The following TTI1 variants were observed in gnomAD, a reference collection of about 807,000 sequenced individuals.
TTI1 encodes the protein TELO2-interacting protein 1 homolog.
Under a neutral mutation model 85.4 loss-of-function variants are expected in TTI1, and 52 were observed. The ratio of observed to expected loss-of-function variants is 0.61; its 90% confidence interval spans 0.49 to 0.77. The LOEUF (loss-of-function observed/expected upper bound fraction) is 0.77, where lower values mean the gene tolerates loss of function less well. TTI1 is among the 30% of genes least tolerant of loss of function. TTI1 has a pLI of 0.00. For synonymous variants in TTI1, 512 were observed against 503.9 expected (o/e 1.02, Z -0.22); for missense variants, 1,173 against 1,296.0 (o/e 0.91, Z 1.46).
At chr20:38,005,006 A>T (rs978650502) in intron 3 of TTI1, among the ~76,000 whole-genome samples, 1 of 152,174 alleles carries the variant, frequency 6.6e-6, no homozygotes, top group African/African-American at 2.4e-5. Context: ...TCAATTCTGC[A>T]TAAATCATTA....
Position 37,987,389 on chromosome 20 carries a change from A to T in TTI1, c.3087-3750T>A, listed in dbSNP as rs1444389005. The stretch of plus-strand genomic sequence containing the variant: ...GTTCCCAATACATTTTGCGATGCGC[A>T]GGGATGGCTGTTGAACATACCAAAT... On this transcript the variant is annotated intron_variant, in intron 7 of 7. Coordinates refer to ENST00000373447, the MANE Select transcript of TTI1 (RefSeq NM_001303457.2). 3 of 456,540 alleles carry T rather than the reference A, an allele frequency of 6.6e-6. No homozygotes were observed. The East Asian group carries it at 2.1e-4, about 32-fold the overall frequency. 28.3% of individuals were successfully genotyped at this position (456,540 alleles called of 1,614,324 possible).
intron 1 of TTI1, among the ~76,000 whole-genome samples, chr20:38,023,428 A>C (rs2122639566): frequency 6.6e-6 from 1 of 152,322 alleles, no homozygotes; most frequent in Non-Finnish European, 1.5e-5. Flanking sequence ...AAAACTTTGC[A>C]AGGTCAGTCC....
intron 7 of TTI1, 21 bp downstream of exon 7, chr20:37,996,354 C>A (rs2273349): frequency 0.18 from 286,200 of 1,612,378 alleles, 26,514 homozygotes; most frequent in South Asian, 0.26. Flanking sequence ...TAAAGGGATG[C>A]GGGTGATCAG....
chr20:37,995,528 C>T (rs940590729), intron 7 of TTI1, among the ~76,000 whole-genome samples: 9 of 152,236 alleles, frequency 5.9e-5, no homozygotes, highest in Non-Finnish European at 8.8e-5. Context: ...GGGCTCAGAG[C>T]GGCACAGAGT....
intron 1 of TTI1, among the ~76,000 whole-genome samples, chr20:38,025,553 G>C (rs531183123): frequency 1.3e-5 from 2 of 150,598 alleles, no homozygotes; most frequent in Non-Finnish European, 2.9e-5. Flanking sequence ...TGGGCAACAA[G>C]AGCGACACTC....
chr20:38,006,653 T>C (rs1241924905), intron 2 of TTI1, among the ~76,000 whole-genome samples: 3 of 152,234 alleles, frequency 2.0e-5, no homozygotes, highest in Admixed American at 6.5e-5. Flanking sequence ...TCACATCTGG[T>C]TAACTCCAAA....
At position 38,013,824 on chromosome 20, in the gene TTI1, C is replaced by T. The variant is rs1210614460; in HGVS notation, c.-8G>A. On this transcript the variant is annotated 5_prime_UTR_variant, in exon 2 of 8. Transcript: ENST00000373447. Reference sequence around the variant, plus strand: ...AGTATCAAAAACTGCCATTGTGCAGCAGCCTTCCCCTCATTGAGGAAACAT... The same window carrying T: ...AGTATCAAAAACTGCCATTGTGCAGTAGCCTTCCCCTCATTGAGGAAACAT... 6.2e-7 allele frequency: 1 copy of T among 1,600,116 alleles called. No individual in the cohort carries two copies.
chr20:37,996,260 A>T, intron 7 of TTI1, 115 bp downstream of exon 7: 1 of 1,078,286 alleles, frequency 9.3e-7, no homozygotes, highest in Non-Finnish European at 1.4e-6. Flanking sequence ...GAATTATCTT[A>T]ACCTGGCAGG....
intron 1 of TTI1, among the ~76,000 whole-genome samples, chr20:38,027,281 C>A (rs2073848221): frequency 6.6e-6 from 1 of 152,134 alleles, no homozygotes; most frequent in Admixed American, 6.5e-5. Context: ...TATATCAACT[C>A]TAGATTATTA....
At chr20:37,994,656 G>A (rs188657292) in intron 7 of TTI1, among the ~76,000 whole-genome samples, 1 of 152,242 alleles carries the variant, frequency 6.6e-6, no homozygotes, top group African/African-American at 2.4e-5. Flanking sequence ...AGTGACATGT[G>A]TGAAGCAATC....
chr20:38,024,311 C>G (rs1465360465), intron 1 of TTI1, among the ~76,000 whole-genome samples: 1 of 152,074 alleles, frequency 6.6e-6, no homozygotes, highest in African/African-American at 2.4e-5. Flanking sequence ...AAATAGAAAA[C>G]TTAAGCTTCT....
chr20:37,983,756 C>T (rs914642575), intron 7 of TTI1, 117 bp from the exon 8 acceptor site: 3 of 1,010,248 alleles, frequency 3.0e-6, no homozygotes, highest in African/African-American at 1.7e-5. Flanking sequence ...ATAACAATAT[C>T]AAGTCACTTC....
chr20:38,000,854 C>G (rs2073415701), intron 4 of TTI1, among the ~76,000 whole-genome samples: 1 of 152,164 alleles, frequency 6.6e-6, no homozygotes, highest in Non-Finnish European at 1.5e-5. Flanking sequence ...CTCCTTGCCC[C>G]TTTGCAGGGC....
At chr20:38,019,938 C>A (rs1015170942) in intron 1 of TTI1, among the ~76,000 whole-genome samples, 1 of 152,122 alleles carries the variant, frequency 6.6e-6, no homozygotes, top group Non-Finnish European at 1.5e-5. Context: ...CAAAAATTGT[C>A]CCTGGATTTG....
intron 7 of TTI1, among the ~76,000 whole-genome samples, chr20:37,994,213 A>C (rs888366170): frequency 1.5e-4 from 23 of 152,150 alleles, no homozygotes; most frequent in Non-Finnish European, 3.1e-4. Context: ...GGCTCACTGC[A>C]ACATCCGCCT....
At chr20:38,010,472 T>C (rs2122574303) in intron 2 of TTI1, among the ~76,000 whole-genome samples, 1 of 142,038 alleles carries the variant, frequency 7.0e-6, no homozygotes, top group South Asian at 2.4e-4. Context: ...CATTCCTTTT[T>C]TTTTTTTTTT....
rs781569609 is a variant in TTI1 at position 38,012,658 on chromosome 20, G to A, written c.1159C>T (p.Arg387Cys). 5.6e-6 allele frequency: 9 copies of A among 1,614,200 alleles called. No homozygotes were observed. Among genetic ancestry groups the A allele is most frequent in the Admixed American group, 3.3e-5 (2 of 60,026 alleles). The change falls in exon 2 of 8, where the codon CGC (arginine) becomes TGC (cysteine). Residue 387 changes from arginine to cysteine, a missense_variant. Transcript: ENST00000373447. ...TGGTCATCTTGGGAGTTCATTAGGC[G>A]AGGAAGAGATGTGGCAAGGGAATGC... ...SLHSLATSLP[R>C]LMNSQDDQGK...
chr20:38,008,148 C>A (rs531790630), intron 2 of TTI1, among the ~76,000 whole-genome samples: 1 of 152,146 alleles, frequency 6.6e-6, no homozygotes, highest in East Asian at 1.9e-4. Context: ...TGGGTGATGG[C>A]GTGGCAAAAC....
intron 5 of TTI1, among the ~76,000 whole-genome samples, chr20:37,997,812 A>T (rs2073364983): frequency 6.6e-6 from 1 of 151,394 alleles, no homozygotes; most frequent in Non-Finnish European, 1.5e-5. Flanking sequence ...ACACATCTTT[A>T]TTTTTTTTCA....
Sources: gnomAD v4.1 joint callset for allele counts (sites outside exome capture counted in the v4.1 genomes callset) on GRCh38, gnomAD v4.1.1 for gene constraint, MANE v1.5 for transcripts, NCBI Gene and HGNC (gene_info 2026-07-23, HGNC 2026-07-21) for gene names.